CAPN11: variants seen among roughly 807,000 people sequenced by gnomAD.
CAPN11 encodes calpain 11.
CAPN11 carries 108 observed loss-of-function variants against 105.3 expected under a neutral mutation model. The observed-to-expected ratio is 1.03, with a 90% CI of 0.88 to 1.20. The LOEUF is 1.20. Ranked by LOEUF, CAPN11 falls within the 50% of genes most tolerant of loss-of-function variation. CAPN11 has a pLI of 0.00. For synonymous variants in CAPN11, 329 were observed against 344.5 expected, an observed-to-expected ratio of 0.96 and a Z score of 0.50; for missense variants, 883 against 924.8, an observed-to-expected ratio of 0.95 and a Z score of 0.59.
chr6:44,161,341 A>G (rs539648558), intron 1 of CAPN11, among the ~76,000 whole-genome samples: 1 of 152,120 alleles, frequency 6.6e-6, no homozygotes, highest in Non-Finnish European at 1.5e-5. Context: ...CTGGGACTAC[A>G]GGCATGTGCT....
rs112568672 is a variant in CAPN11, at chr6:44,178,110, C to T, written c.1416+690C>T. 1.3e-3 allele frequency among the ~76,000 whole-genome samples: 196 copies of T among 152,310 alleles called. 1 individual carries two copies. Among genetic ancestry groups the T allele is most frequent in the African/African-American group, 4.3e-3 (180 of 41,574 alleles). ...TGCTTTGTGCCTTTCAAGCCAGAGC[C>T]GGCAGTTTTCTCTTCACAGATTTCA... is the stretch of plus-strand genomic sequence containing the variant. On this transcript the variant is annotated intron_variant, in intron 12 of 22. Coordinates refer to ENST00000398776, the MANE Select transcript of CAPN11 (RefSeq NM_007058.4).
intron 1 of CAPN11, among the ~76,000 whole-genome samples, chr6:44,165,596 T>A (rs867809160): frequency 6.6e-6 from 1 of 152,046 alleles, no homozygotes; most frequent in African/African-American, 2.4e-5. Flanking sequence ...CCCAGCTCAC[T>A]GGCTAGGTGG....
chr6:44,177,409 G>C lies in CAPN11; in HGVS notation c.1405G>C (p.Val469Leu). 1 of 1,612,612 alleles carries C rather than the reference G, an allele frequency of 6.2e-7. No homozygotes were observed. ...AGCCCAGCTGCAGACCATTGGCTTT[G>C]TCCTCTACGCGGTGGGTGCCTGGCT... ...QGAQLQTIGF[V>L]LYAVPKEFQN... The change falls in exon 12 of 23, where the codon GTC becomes CTC. Residue 469 changes from valine (V) to leucine (L), a missense_variant. Physicochemically the swap from Val to Leu is conservative, Grantham distance 32. Coordinates refer to ENST00000398776, the MANE Select transcript of CAPN11 (RefSeq NM_007058.4).
chr6:44,184,000 G>C lies in CAPN11; in HGVS notation c.*68G>C. The C allele has an allele frequency of 5.9e-6, 9 of 1,530,100 alleles. No individual in the cohort carries two copies. The highest frequency in any genetic ancestry group is 8.0e-6 in the Non-Finnish European group (9 of 1,128,788). 94.8% of individuals were successfully genotyped at this position (1,530,100 alleles called of 1,614,324 possible). A position where few individuals can be genotyped will look rare whatever the true frequency, so the allele number is the denominator to read the frequency against. On this transcript the variant is annotated 3_prime_UTR_variant, in exon 23 of 23. Coordinates refer to ENST00000398776, the MANE Select transcript of CAPN11 (RefSeq NM_007058.4). ...AGCGAGGTTCTAGCCCAGGAGGGTGGGGTGCTTCTTGTAGCCCTCAGCTCT... is the reference window on the plus strand; with the variant it reads ...AGCGAGGTTCTAGCCCAGGAGGGTGCGGTGCTTCTTGTAGCCCTCAGCTCT...
At chr6:44,179,792 G>T in intron 13 of CAPN11, 160 bp from the exon 14 acceptor site, 3 of 917,628 alleles carry the variant, frequency 3.3e-6, no homozygotes, top group Non-Finnish European at 5.3e-6. Flanking sequence ...GAAAGGAAGA[G>T]ACCCTGTTGG....
In CAPN11 at chr6:44,181,334, A is replaced by G. The variant is rs1773097690; in HGVS notation, c.1938+14A>G. 6.2e-7 allele frequency: 1 copy of G among 1,611,926 alleles called. No individual in the cohort carries two copies. The highest frequency in any genetic ancestry group is 1.3e-5 in the African/African-American group (1 of 74,794). On this transcript the variant is annotated intron_variant, in intron 19 of 22. Coordinates refer to ENST00000398776, the MANE Select transcript of CAPN11 (RefSeq NM_007058.4). ...AAGAAATGGATGGTAAAGGGCACTA[A>G]AGGGGCAGCCTCCAGGGGTGAGGAA... is the stretch of plus-strand genomic sequence containing the variant.
chr6:44,168,963 C>T (rs1338706670), intron 2 of CAPN11: 1 of 467,084 alleles, frequency 2.1e-6, no homozygotes, highest in Non-Finnish European at 4.3e-6. Flanking sequence ...TGCTCTGTCA[C>T]CCAGACTGGA....
At chr6:44,178,563 G>T (rs888160942) in intron 12 of CAPN11, among the ~76,000 whole-genome samples, 1 of 151,938 alleles carries the variant, frequency 6.6e-6, no homozygotes, top group Non-Finnish European at 1.5e-5. Flanking sequence ...CACAAGCCTT[G>T]CCCTACTCTT....
intron 1 of CAPN11, among the ~76,000 whole-genome samples, chr6:44,162,633 G>A (rs1293256458): frequency 6.6e-6 from 1 of 152,120 alleles, no homozygotes; most frequent in Non-Finnish European, 1.5e-5. Context: ...GGAATGGGAT[G>A]TGCTTAGAAT....
intron 1 of CAPN11, among the ~76,000 whole-genome samples, chr6:44,159,913 T>A (rs1035467018): frequency 6.6e-6 from 1 of 151,924 alleles, no homozygotes; most frequent in African/African-American, 2.4e-5. Flanking sequence ...GGCAGGTGGA[T>A]CATCTGAGGT....
intron 18 of CAPN11, 110 bp from the exon 19 acceptor site, chr6:44,181,142 A>G: frequency 8.3e-7 from 1 of 1,199,540 alleles, no homozygotes; most frequent in Non-Finnish European, 1.2e-6. Flanking sequence ...TCTGGCTGCT[A>G]CAGTACCGGA....
At chr6:44,167,986 A>G (rs1242778652) in intron 2 of CAPN11, among the ~76,000 whole-genome samples, 1 of 152,118 alleles carries the variant, frequency 6.6e-6, no homozygotes, top group African/African-American at 2.4e-5. Context: ...TGGTGGGAGT[A>G]CAAGACCAGC....
rs1038491080 is a variant in CAPN11, at chr6:44,173,227, G to A, written c.672G>A (p.Gly224=). Reference sequence around the variant, plus strand: ...TTCTCTGTGCCCACAGGCTGAGTGGGTCCTATGAAGCATTGTCAGGGGGCA... The same window carrying A: ...TTCTCTGTGCCCACAGGCTGAGTGGATCCTATGAAGCATTGTCAGGGGGCA... ...LLEKAYAKLS[G]SYEALSGGST... Residue 224 remains glycine, a synonymous_variant, in exon 7 of 23, where the codon GGG becomes GGA. Transcript: ENST00000398776. The A allele has an allele frequency of 6.2e-7, 1 of 1,613,910 alleles. No homozygotes were observed. Among genetic ancestry groups the A allele is most frequent in the South Asian group, 1.1e-5 (1 of 91,084 alleles).
Position 44,161,293 on chromosome 6 carries a change from G to A in CAPN11, c.16+2429G>A, listed in dbSNP as rs1401678229. 4.6e-5 allele frequency among the ~76,000 whole-genome samples: 7 copies of A among 151,852 alleles called. No homozygotes were observed. The East Asian group carries it at 9.7e-4, about 21-fold the overall frequency. On this transcript the variant is annotated intron_variant, in intron 1 of 22. Transcript: ENST00000398776. ...TGGCTCACTGCAACCTCCACCTCCC[G>A]GGTTCAAGCGATTCTCCTGCCTCAG...
intron 7 of CAPN11, among the ~76,000 whole-genome samples, chr6:44,175,159 T>A (rs886478070): frequency 6.6e-6 from 1 of 152,146 alleles, no homozygotes; most frequent in African/African-American, 2.4e-5. Context: ...TGGGGAAATC[T>A]GTATAAGGTT....
chr6:44,182,334 C>CCACACA (rs902252108), intron 19 of CAPN11, among the ~76,000 whole-genome samples: 1 of 149,594 alleles, frequency 6.7e-6, no homozygotes, highest in Non-Finnish European at 1.5e-5. Flanking sequence ...CACAACCACA[C>CCACACA]CACACACACA....
In CAPN11 at chr6:44,176,894, C is replaced by A. The variant is rs774017414; in HGVS notation, c.1133C>A (p.Thr378Lys). The change falls in exon 11 of 23, where the codon ACG becomes AAG. Residue 378 changes from threonine to lysine, a missense_variant. Thr to Lys is a moderately conservative substitution (Grantham distance 78, BLOSUM62 -1). Coordinates refer to ENST00000398776, the MANE Select transcript of CAPN11 (RefSeq NM_007058.4). ...ACGCTCCTGGAGATCTGCAACCTCA[C>A]GCCTGATACACTCTCTGGGGACTAC... The part of the protein sequence containing the change: ...NFTLLEICNL[T>K]PDTLSGDYKS... 1 of 1,613,870 alleles carries A rather than the reference C, an allele frequency of 6.2e-7. No homozygotes were observed. Among genetic ancestry groups the A allele is most frequent in the African/African-American group, 1.3e-5 (1 of 74,904 alleles).
Position 44,172,982 on chromosome 6 carries a change from C to CG in CAPN11, c.573dup (p.Leu192AlafsTer6). On this transcript the variant is annotated frameshift_variant, in exon 6 of 23. Coordinates refer to ENST00000398776, the MANE Select transcript of CAPN11 (RefSeq NM_007058.4). LOFTEE classifies it high-confidence loss of function. ...GTGGGTGAACGTGGTGGTAGATGAC[C>CG]GGCTGCCCACAAAGAATGACAAGCT... The CG allele has an allele frequency of 6.2e-7, 1 of 1,613,064 alleles. No homozygotes were observed. The highest frequency in any genetic ancestry group is 8.5e-7 in the Non-Finnish European group (1 of 1,179,524).
At position 44,169,897 on chromosome 6, in the gene CAPN11, T is replaced by TCCC. The variant is rs1272170619; in HGVS notation, c.340-8_340-7insCCC. 7 of 1,606,040 alleles carry TCCC rather than the reference T, an allele frequency of 4.4e-6. No homozygotes were observed. The highest frequency in any genetic ancestry group is 1.6e-4 in the Middle Eastern group (1 of 6,074). ...TGGGCCCCCTGAAACCTTTATTCCT[T>TCCC]CACTGCAGGATATCATAAACAACCC... On this transcript the variant is annotated splice_polypyrimidine_tract_variant and intron_variant, in intron 3 of 22. Transcript: ENST00000398776.
Sources: allele counts gnomAD v4.1 joint callset (sites outside exome capture counted in the v4.1 genomes callset), GRCh38; gene constraint gnomAD v4.1.1; transcripts MANE v1.5; gene names NCBI Gene and HGNC (gene_info 2026-07-23, HGNC 2026-07-21).